The following TTC28 variants were observed in gnomAD, a reference collection of about 807,000 sequenced individuals.
TTC28 encodes tetratricopeptide repeat protein 28.
In TTC28, 61 loss-of-function variants were observed where a neutral mutation model predicts 198.0. That is an observed-to-expected ratio of 0.31 (90% CI 0.25 to 0.38). The LOEUF (loss-of-function observed/expected upper bound fraction) is 0.38. Ranked by LOEUF, TTC28 falls within the 10% of genes least tolerant of loss-of-function variation. The probability of loss-of-function intolerance (pLI) is 1.00; values close to 1 mark genes in which losing one functional copy is unlikely to be tolerated. For synonymous variants in TTC28, 1,171 were observed against 1,297.8 expected (o/e 0.90, Z 2.10); for missense variants, 2,678 against 3,164.0 (o/e 0.85, Z 3.69).
chr22:28,489,514 A>G (rs1269839024), intron 2 of TTC28, among the ~76,000 whole-genome samples: 2 of 152,172 alleles, frequency 1.3e-5, no homozygotes, highest in African/African-American at 2.4e-5. Flanking sequence ...TTAATCATCC[A>G]TATCTTTTTG....
intron 5 of TTC28, among the ~76,000 whole-genome samples, chr22:28,215,290 A>C (rs1927298246): frequency 6.6e-6 from 1 of 152,202 alleles, no homozygotes; most frequent in Admixed American, 6.5e-5. Flanking sequence ...ATAATAAATA[A>C]ATAAATAAAG....
chr22:28,038,094 C>T (rs1302999700), intron 12 of TTC28, among the ~76,000 whole-genome samples: 2 of 152,150 alleles, frequency 1.3e-5, no homozygotes, highest in Non-Finnish European at 2.9e-5. Context: ...CCATACTGCC[C>T]AAGGTAATTT....
chr22:27,985,900 C>A (rs1937194851), intron 21 of TTC28: 1 of 155,120 alleles, frequency 6.4e-6, no homozygotes, highest in African/African-American at 2.4e-5. Flanking sequence ...TCTGCCAAAG[C>A]CCAGGGGTGC....
intron 5 of TTC28, among the ~76,000 whole-genome samples, chr22:28,192,955 G>C (rs989119544): frequency 6.6e-6 from 1 of 152,094 alleles, no homozygotes; most frequent in African/African-American, 2.4e-5. Flanking sequence ...ACAAAGATAC[G>C]CCTTGACAAG....
intron 5 of TTC28, among the ~76,000 whole-genome samples, chr22:28,228,574 A>G (rs543462676): frequency 6.6e-6 from 1 of 151,662 alleles, no homozygotes; most frequent in Non-Finnish European, 1.5e-5. Flanking sequence ...GTGGTGTGCA[A>G]CTGTAATCCC....
intron 12 of TTC28, among the ~76,000 whole-genome samples, chr22:28,031,246 C>A (rs986707691): frequency 6.6e-6 from 1 of 152,190 alleles, no homozygotes; most frequent in African/African-American, 2.4e-5. Flanking sequence ...CCATGCCACA[C>A]CATGCCTCCC....
intron 2 of TTC28, among the ~76,000 whole-genome samples, chr22:28,552,336 C>T (rs2049688819): frequency 6.6e-6 from 1 of 151,960 alleles, no homozygotes; most frequent in Non-Finnish European, 1.5e-5. Context: ...AATGCAATTC[C>T]CATCAAAATA....
At chr22:28,191,159 C>T (rs78312722) in intron 5 of TTC28, among the ~76,000 whole-genome samples, 2 of 152,044 alleles carry the variant, frequency 1.3e-5, no homozygotes, top group African/African-American at 2.4e-5. Context: ...TTAACATTTG[C>T]GTTAAAATTT....
At chr22:28,580,493 C>T (rs946644186) in intron 2 of TTC28, among the ~76,000 whole-genome samples, 4 of 152,188 alleles carry the variant, frequency 2.6e-5, no homozygotes, top group African/African-American at 9.7e-5. Flanking sequence ...CTGCCTTGGC[C>T]TCCCAAAGTG....
chr22:28,037,510 A>C (rs561862935), intron 12 of TTC28, among the ~76,000 whole-genome samples: 1 of 152,348 alleles, frequency 6.6e-6, no homozygotes, highest in South Asian at 2.1e-4. Context: ...TACTGATGGG[A>C]TGTATCTCAA....
At chr22:28,647,202 T>C (rs1313237731) in intron 1 of TTC28, among the ~76,000 whole-genome samples, 2 of 152,136 alleles carry the variant, frequency 1.3e-5, no homozygotes, top group South Asian at 4.1e-4. Context: ...TGAAGCTGGA[T>C]TCCCTGTCTT....
intron 2 of TTC28, among the ~76,000 whole-genome samples, chr22:28,552,856 G>A (rs1244202090): frequency 1.4e-5 from 2 of 146,598 alleles, no homozygotes; most frequent in Non-Finnish European, 3.0e-5. Flanking sequence ...GGACTGTACT[G>A]CCGCCATCTC....
At chr22:28,622,748 A>C (rs1043708626) in intron 2 of TTC28, among the ~76,000 whole-genome samples, 1 of 152,210 alleles carries the variant, frequency 6.6e-6, no homozygotes, top group African/African-American at 2.4e-5. Flanking sequence ...CAAGTTGAAA[A>C]TATATAAACA....
Position 28,333,909 on chromosome 22 carries a change from G to C in TTC28, c.382-27266C>G, listed in dbSNP as rs931832466. On this transcript the variant is annotated intron_variant, in intron 2 of 22. Transcript: ENST00000397906. ...GTACATGTCCATAACGTGCAGGTTTGTTACATATGTATACATGTGCCATGC... is the reference window on the plus strand; with the variant it reads ...GTACATGTCCATAACGTGCAGGTTTCTTACATATGTATACATGTGCCATGC... Among the ~76,000 whole-genome samples, 7 of 151,808 alleles carry C rather than the reference G, an allele frequency of 4.6e-5. No individual in the cohort carries two copies. The East Asian group carries it at 5.8e-4, about 13-fold the overall frequency.
Position 28,324,575 on chromosome 22 carries a change from G to A in TTC28, c.382-17932C>T, listed in dbSNP as rs150264420. 3.3e-3 allele frequency among the ~76,000 whole-genome samples: 507 copies of A among 152,252 alleles called. 5 individuals carry two copies. The highest frequency in any genetic ancestry group is 0.014 in the Middle Eastern group (4 of 294). On this transcript the variant is annotated intron_variant, in intron 2 of 22. Coordinates refer to ENST00000397906, the MANE Select transcript of TTC28 (RefSeq NM_001145418.2). ...GTGGTCTTCATCCCTGGGATGCAAGGCTGATTCAACATACACAAATCAATA... is the reference window on the plus strand; with the variant it reads ...GTGGTCTTCATCCCTGGGATGCAAGACTGATTCAACATACACAAATCAATA...
chr22:28,594,592 A>G lies in TTC28; in HGVS notation c.381+34960T>C, dbSNP rs148571282. Reference sequence around the variant, plus strand: ...TTTATAAAAATTTTAACCTCTCTATAACTTTCAGGAAAAACCTGTAGTACA... The same window carrying G: ...TTTATAAAAATTTTAACCTCTCTATGACTTTCAGGAAAAACCTGTAGTACA... On this transcript the variant is annotated intron_variant, in intron 2 of 22. Transcript: ENST00000397906. Among the ~76,000 whole-genome samples the G allele has an allele frequency of 5.3e-4, 81 of 152,268 alleles. 1 individual carries two copies. In the East Asian group the frequency reaches 0.013, roughly 24 times the overall value.
intron 12 of TTC28, among the ~76,000 whole-genome samples, chr22:28,077,009 C>T (rs1833073743): frequency 6.6e-6 from 1 of 152,110 alleles, no homozygotes; most frequent in African/African-American, 2.4e-5. Context: ...AGATGTCATC[C>T]TGCAGGTAAT....
At chr22:28,260,427 C>A (rs983440382) in intron 5 of TTC28, among the ~76,000 whole-genome samples, 1 of 152,032 alleles carries the variant, frequency 6.6e-6, no homozygotes, top group African/African-American at 2.4e-5. Flanking sequence ...TAGAGAGGAA[C>A]CTTAACAGGC....
At chr22:28,230,180 C>A (rs1275681696) in intron 5 of TTC28, among the ~76,000 whole-genome samples, 1 of 152,192 alleles carries the variant, frequency 6.6e-6, no homozygotes, top group Non-Finnish European at 1.5e-5. Context: ...AAAATTCAGT[C>A]TCCTTTTCTA....
Sources: gnomAD v4.1 joint callset for allele counts (sites outside exome capture counted in the v4.1 genomes callset) on GRCh38, gnomAD v4.1.1 for gene constraint, MANE v1.5 for transcripts, NCBI Gene and HGNC (gene_info 2026-07-23, HGNC 2026-07-21) for gene names.